THRB: variants seen among roughly 807,000 people sequenced by gnomAD.
THRB encodes nuclear receptor subfamily 1 group A member 2.
THRB carries 12 observed loss-of-function variants against 47.8 expected under a neutral mutation model. The ratio of observed to expected loss-of-function variants is 0.25; its 90% confidence interval spans 0.16 to 0.41. The LOEUF is 0.41. Ranked by LOEUF, THRB falls within the 10% of genes least tolerant of loss-of-function variation. The pLI is 1.00. For missense variants in THRB, 348 were observed against 589.2 expected (o/e 0.59, Z 4.24); for synonymous variants, 218 against 212.2 (o/e 1.03, Z -0.24).
intron 5 of THRB, among the ~76,000 whole-genome samples, chr3:24,184,167 C>A (rs1001333241): frequency 6.6e-6 from 1 of 152,156 alleles, no homozygotes; most frequent in African/African-American, 2.4e-5. Flanking sequence ...TTTAAAAAAG[C>A]CTGTTTTTAA....
intron 1 of THRB, among the ~76,000 whole-genome samples, chr3:24,405,995 T>C (rs1324283150): frequency 1.3e-5 from 2 of 151,614 alleles, no homozygotes. Flanking sequence ...GTGATATGTG[T>C]TTTTTGTTTA....
intron 3 of THRB, among the ~76,000 whole-genome samples, chr3:24,280,986 G>C (rs1267897029): frequency 6.6e-6 from 1 of 152,176 alleles, no homozygotes; most frequent in African/African-American, 2.4e-5. Flanking sequence ...GTGATGGGGA[G>C]AATGGAACCA....
At chr3:24,125,555 G>A (rs556694874) in intron 10 of THRB, among the ~76,000 whole-genome samples, 8 of 152,262 alleles carry the variant, frequency 5.3e-5, no homozygotes, top group African/African-American at 1.9e-4. Context: ...GAGAAGCTAG[G>A]GGTCACCCAA....
chr3:24,197,611 T>C (rs2149686867), intron 4 of THRB, among the ~76,000 whole-genome samples: 1 of 152,178 alleles, frequency 6.6e-6, no homozygotes, highest in African/African-American at 2.4e-5. Context: ...GGGACCTCAA[T>C]AAATATTATT....
chr3:24,263,951 A>T (rs191123565), intron 3 of THRB, among the ~76,000 whole-genome samples: 31 of 152,296 alleles, frequency 2.0e-4, no homozygotes, highest in Middle Eastern at 6.8e-3. Context: ...CTGAGGAAAG[A>T]TGAAAAAATG....
At chr3:24,471,599 G>T (rs1280979121) in intron 1 of THRB, among the ~76,000 whole-genome samples, 2 of 152,030 alleles carry the variant, frequency 1.3e-5, no homozygotes, top group Non-Finnish European at 2.9e-5. Flanking sequence ...CCAGCTTTGT[G>T]GCCCTTGAAC....
chr3:24,137,931 A>C (rs1272076953), intron 8 of THRB, among the ~76,000 whole-genome samples: 1 of 152,132 alleles, frequency 6.6e-6, no homozygotes, highest in Non-Finnish European at 1.5e-5. Context: ...CAAGGGCCAA[A>C]AATGGACTGG....
chr3:24,162,686 C>CAA (rs368706028), intron 5 of THRB, among the ~76,000 whole-genome samples: 25,134 of 120,096 alleles, frequency 0.21, 2,492 homozygotes, highest in Admixed American at 0.32. Flanking sequence ...GCTATGAATG[C>CAA]AAAAAAAAAA....
intron 1 of THRB, among the ~76,000 whole-genome samples, chr3:24,376,954 T>C (rs765771128): frequency 5.3e-5 from 8 of 152,104 alleles, no homozygotes; most frequent in Admixed American, 5.2e-4. Context: ...TTTTTTCTTT[T>C]TGAGACAGGG....
At chr3:24,281,975 C>T (rs912820909) in intron 3 of THRB, among the ~76,000 whole-genome samples, 3 of 143,766 alleles carry the variant, frequency 2.1e-5, no homozygotes, top group Non-Finnish European at 3.0e-5. Flanking sequence ...GACTCCCACA[C>T]ATTAATAATG....
intron 2 of THRB, among the ~76,000 whole-genome samples, chr3:24,333,844 C>A (rs776446924): frequency 4.6e-5 from 7 of 152,186 alleles, no homozygotes; most frequent in Non-Finnish European, 1.0e-4. Flanking sequence ...AATAATACAG[C>A]CTCAAAGGCT....
At chr3:24,423,811 G>A (rs2150317692) in intron 1 of THRB, among the ~76,000 whole-genome samples, 1 of 151,900 alleles carries the variant, frequency 6.6e-6, no homozygotes, top group Admixed American at 6.6e-5. Flanking sequence ...GAATACCAAG[G>A]TATATATGAT....
At chr3:24,488,883 C>T (rs1447164339) in intron 1 of THRB, among the ~76,000 whole-genome samples, 2 of 151,910 alleles carry the variant, frequency 1.3e-5, no homozygotes, top group Non-Finnish European at 2.9e-5. Context: ...AATTATTTTG[C>T]CATAAAAGAT....
intron 5 of THRB, among the ~76,000 whole-genome samples, chr3:24,179,050 G>A (rs1029544575): frequency 6.6e-6 from 1 of 152,170 alleles, no homozygotes; most frequent in Admixed American, 6.5e-5. Context: ...TAAAATGAAT[G>A]ATCCTGGCCT....
intron 1 of THRB, among the ~76,000 whole-genome samples, chr3:24,473,971 G>C (rs1297429726): frequency 1.3e-5 from 2 of 152,148 alleles, no homozygotes; most frequent in Admixed American, 6.5e-5. Context: ...GGGATGAAGG[G>C]CTAGGGGAGG....
chr3:24,134,471 C>T (rs1417734906), intron 8 of THRB, among the ~76,000 whole-genome samples: 2 of 152,262 alleles, frequency 1.3e-5, no homozygotes, highest in East Asian at 3.9e-4. Context: ...TACCCTGTCT[C>T]AAGTAGTCCT....
At chr3:24,316,754 G>A (rs1256507661) in intron 2 of THRB, among the ~76,000 whole-genome samples, 1 of 151,966 alleles carries the variant, frequency 6.6e-6, no homozygotes, top group Non-Finnish European at 1.5e-5. Context: ...CCAGCCCCAA[G>A]TACCACCTTC....
intron 1 of THRB, among the ~76,000 whole-genome samples, chr3:24,427,231 A>G (rs1351035963): frequency 6.6e-6 from 1 of 152,066 alleles, no homozygotes; most frequent in Admixed American, 6.6e-5. Flanking sequence ...TTTTTAAAGA[A>G]GCACAATCAC....
intron 3 of THRB, among the ~76,000 whole-genome samples, chr3:24,242,720 A>G (rs1176180025): frequency 2.0e-5 from 3 of 152,046 alleles, no homozygotes; most frequent in South Asian, 2.1e-4. Flanking sequence ...CTGCCCTAAT[A>G]TATTACAATA....
Sources: allele counts gnomAD v4.1 joint callset (sites outside exome capture counted in the v4.1 genomes callset), GRCh38; gene constraint gnomAD v4.1.1; transcripts MANE v1.5; gene names NCBI Gene and HGNC (gene_info 2026-07-23, HGNC 2026-07-21).